USP3: variants seen among roughly 807,000 people sequenced by gnomAD.
USP3 encodes ubiquitin carboxyl-terminal hydrolase 3.
A neutral mutation model predicts 72.3 loss-of-function variants in USP3; 20 were observed. The ratio of observed to expected loss-of-function variants is 0.28; its 90% confidence interval spans 0.19 to 0.40. The LOEUF (loss-of-function observed/expected upper bound fraction) is 0.40, where lower values mean the gene tolerates loss of function less well. USP3 is among the 10% of genes least tolerant of loss of function. The pLI, the probability that USP3 is intolerant of heterozygous loss-of-function variation, is 1.00. For synonymous variants in USP3, 222 were observed against 225.3 expected, an observed-to-expected ratio of 0.99 and a Z score of 0.13; for missense variants, 479 against 633.9, an observed-to-expected ratio of 0.76 and a Z score of 2.62.
chr15:63,524,965 A>T (rs1435828126), intron 1 of USP3, among the ~76,000 whole-genome samples: 1 of 152,168 alleles, frequency 6.6e-6, no homozygotes, highest in Non-Finnish European at 1.5e-5. Context: ...GCCATCTTTA[A>T]TCTACCACAA....
intron 1 of USP3, chr15:63,530,639 A>G (rs2066059765): frequency 2.3e-6 from 1 of 426,668 alleles, no homozygotes; most frequent in African/African-American, 2.1e-5. Context: ...TTACTAAGAG[A>G]AAAAAGCTTT....
At chr15:63,587,012 G>A (rs570235552) in intron 11 of USP3, among the ~76,000 whole-genome samples, 3 of 152,094 alleles carry the variant, frequency 2.0e-5, no homozygotes, top group African/African-American at 7.2e-5. Context: ...TGCTACTGTC[G>A]CGGACACAAA....
chr15:63,505,438 C>G (rs1164542083), intron 1 of USP3, among the ~76,000 whole-genome samples: 1 of 152,170 alleles, frequency 6.6e-6, no homozygotes, highest in Non-Finnish European at 1.5e-5. Context: ...GTCTTTCATC[C>G]GTCAGGGATG....
At chr15:63,581,606 G>A (rs1256300834) in intron 11 of USP3, among the ~76,000 whole-genome samples, 1 of 128,692 alleles carries the variant, frequency 7.8e-6, no homozygotes, top group Non-Finnish European at 1.6e-5. Flanking sequence ...TCACCATATT[G>A]GTCTGGTCTC....
rs540419646 is a variant in USP3 at position 63,555,609 on chromosome 15, T to C, written c.369-1058T>C. ...TAAAAGGTGAAATGCCTTATTTATA[T>C]AGGTTACAACTGAAAATGAACTCTT... On this transcript the variant is annotated intron_variant, in intron 4 of 14. Coordinates refer to ENST00000380324, the MANE Select transcript of USP3 (RefSeq NM_006537.4). 9.8e-5 allele frequency among the ~76,000 whole-genome samples: 15 copies of C among 152,340 alleles called. No homozygotes were observed. The South Asian group carries it at 2.9e-3, about 29-fold the overall frequency.
At chr15:63,577,481 G>A (rs1173112233) in intron 11 of USP3, among the ~76,000 whole-genome samples, 4 of 152,218 alleles carry the variant, frequency 2.6e-5, no homozygotes, top group Non-Finnish European at 5.9e-5. Context: ...AGAAGGCCGG[G>A]CGTGGTGGCT....
rs557604267 is a variant in USP3, at chr15:63,565,736, C to T, written c.761+2728C>T. On this transcript the variant is annotated intron_variant, in intron 8 of 14. Coordinates refer to ENST00000380324, the MANE Select transcript of USP3 (RefSeq NM_006537.4). Reference sequence around the variant, plus strand: ...TTAGTATACAAATAGCTTCCTCAGACCATTTTACAGTTGTATCATAATTTG... The same window carrying T: ...TTAGTATACAAATAGCTTCCTCAGATCATTTTACAGTTGTATCATAATTTG... Among the ~76,000 whole-genome samples the T allele has an allele frequency of 1.6e-3, 247 of 152,270 alleles. 2 individuals carry two copies. Among genetic ancestry groups the T allele is most frequent in the South Asian group, 7.0e-3 (34 of 4,830 alleles).
chr15:63,532,789 T>C, intron 2 of USP3, 82 bp downstream of exon 2: 1 of 1,409,168 alleles, frequency 7.1e-7, no homozygotes, highest in South Asian at 1.2e-5. Flanking sequence ...TTTTATTGAT[T>C]TGGATTTAGT....
intron 11 of USP3, among the ~76,000 whole-genome samples, chr15:63,577,014 A>G (rs1357162557): frequency 6.6e-6 from 1 of 152,152 alleles, no homozygotes; most frequent in Non-Finnish European, 1.5e-5. Flanking sequence ...TTGGATTTGT[A>G]ATTGTTAAGC....
chr15:63,586,830 C>CAAAG (rs968098948), intron 11 of USP3: 1 of 152,122 alleles, frequency 6.6e-6, no homozygotes, highest in African/African-American at 2.4e-5. Flanking sequence ...GAGAAAGTCT[C>CAAAG]AAAGAAGTGA....
chr15:63,572,235 C>T (rs1186224737), intron 9 of USP3, among the ~76,000 whole-genome samples: 1 of 152,142 alleles, frequency 6.6e-6, no homozygotes, highest in Non-Finnish European at 1.5e-5. Context: ...ATCCATTTCC[C>T]AGAGGAAGTG....
chr15:63,540,837 G>T (rs924771386), intron 3 of USP3, among the ~76,000 whole-genome samples: 6 of 152,134 alleles, frequency 3.9e-5, no homozygotes, highest in African/African-American at 1.4e-4. Flanking sequence ...TTAAGATTTC[G>T]ATGAAAATAA....
rs1465933711 is a variant in USP3 at position 63,591,817 on chromosome 15, T to G, written c.*991T>G. ...CTTCCACAGGAGGAAATTTAGAATC[T>G]TCGCTGCTCTGGGTTTTAACACCTC... On this transcript the variant is annotated 3_prime_UTR_variant, in exon 15 of 15. Coordinates refer to ENST00000380324, the MANE Select transcript of USP3 (RefSeq NM_006537.4). 1 of 152,226 alleles carries G rather than the reference T, an allele frequency of 6.6e-6. No individual in the cohort carries two copies. Among genetic ancestry groups the G allele is most frequent in the Non-Finnish European group, 1.5e-5 (1 of 68,052 alleles). 9.4% of individuals were successfully genotyped at this position (152,226 alleles called of 1,614,324 possible). A position where few individuals can be genotyped will look rare whatever the true frequency, so the allele number is the denominator to read the frequency against.
rs2067239811 is a variant in USP3 at position 63,593,433 on chromosome 15, T to TAA, written c.*2609_*2610dup. 1 of 152,230 alleles carries TAA rather than the reference T, an allele frequency of 6.6e-6. No homozygotes were observed. The highest frequency in any genetic ancestry group is 2.4e-5 in the African/African-American group (1 of 41,452). The allele number at this position is 152,230 out of a possible 1,614,324, so 9.4% of individuals were successfully genotyped here. A position where few individuals can be genotyped will look rare whatever the true frequency, so the allele number is the denominator to read the frequency against. ...TCAGTCTCTCTGAATGGGCAGCTGT[T>TAA]AAACAGTAAAGGCCTGGGCAGAGTT... On this transcript the variant is annotated 3_prime_UTR_variant, in exon 15 of 15. Transcript: ENST00000380324.
chr15:63,577,495 GC>G (rs1310522543), intron 11 of USP3, among the ~76,000 whole-genome samples: 1 of 152,182 alleles, frequency 6.6e-6, no homozygotes, highest in Non-Finnish European at 1.5e-5. Flanking sequence ...GGTGGCTCAC[GC>G]CTGTAATCCC....
chr15:63,510,366 CTTGT>C lies in USP3; in HGVS notation c.91+5547_91+5550del, dbSNP rs529866957. ...TTTGAGCTTTTCTCCCCTTCTTGAGCTTGTTTGTTTGTTTTTAATATTTTTCCTT... is the reference window on the plus strand; with the variant it reads ...TTTGAGCTTTTCTCCCCTTCTTGAGCTTGTTTGTTTTTAATATTTTTCCTT... On this transcript the variant is annotated intron_variant, in intron 1 of 14. Coordinates refer to ENST00000380324, the MANE Select transcript of USP3 (RefSeq NM_006537.4). Among the ~76,000 whole-genome samples, 369 of 152,018 alleles carry C rather than the reference CTTGT, an allele frequency of 2.4e-3. 1 individual carries two copies. Among genetic ancestry groups the C allele is most frequent in the African/African-American group, 8.4e-3 (348 of 41,470 alleles).
intron 3 of USP3, among the ~76,000 whole-genome samples, chr15:63,550,600 T>C (rs1396607078): frequency 6.6e-6 from 1 of 152,238 alleles, no homozygotes; most frequent in African/African-American, 2.4e-5. Flanking sequence ...AATATACCCA[T>C]AGTATTAATT....
At chr15:63,535,131 A>G (rs1486783063) in intron 2 of USP3, among the ~76,000 whole-genome samples, 3 of 152,136 alleles carry the variant, frequency 2.0e-5, no homozygotes, top group Non-Finnish European at 4.4e-5. Context: ...GGGTTTCACC[A>G]TGTTGGCCAG....
intron 3 of USP3, among the ~76,000 whole-genome samples, chr15:63,539,425 A>G (rs2066208879): frequency 6.6e-6 from 1 of 152,200 alleles, no homozygotes; most frequent in African/African-American, 2.4e-5. Context: ...TAAGATTCTG[A>G]GGAAACTAAC....
Sources: allele counts gnomAD v4.1 joint callset (sites outside exome capture counted in the v4.1 genomes callset), GRCh38; gene constraint gnomAD v4.1.1; transcripts MANE v1.5; gene names NCBI Gene and HGNC (gene_info 2026-07-23, HGNC 2026-07-21).